Variants in UNC13C observed in about 807,000 individuals in gnomAD.
The protein encoded by UNC13C is unc-13 homolog C.
UNC13C carries 174 observed loss-of-function variants against 245.4 expected under a neutral mutation model. The observed-to-expected ratio is 0.71, with a 90% CI of 0.63 to 0.80. The LOEUF (loss-of-function observed/expected upper bound fraction) is 0.80, where lower values mean the gene tolerates loss of function less well. Among genes scored for constraint, UNC13C ranks in the 30% least tolerant of loss-of-function variants. UNC13C has a pLI of 0.00. For missense variants in UNC13C, 2,829 were observed against 2,602.9 expected, an observed-to-expected ratio of 1.09 and a Z score of -1.89; for synonymous variants, 992 against 895.1, an observed-to-expected ratio of 1.11 and a Z score of -1.93.
At chr15:53,885,041 A>G in the UNC13C span, among the ~76,000 whole-genome samples, 6 of 152,266 alleles carry the variant, frequency 3.9e-5, no homozygotes, top group African/African-American at 1.4e-4. Context: ...ATAGAACTTT[A>G]TCACACAAAG....
intron 30 of UNC13C, among the ~76,000 whole-genome samples, chr15:54,584,124 T>C (rs2681956): frequency 0.49 from 75,075 of 151,938 alleles, 18,869 homozygotes; most frequent in East Asian, 0.7. Flanking sequence ...ACCTTTCCCC[T>C]TGGCCAGGGC....
At chr15:53,940,608 C>A in the UNC13C span, among the ~76,000 whole-genome samples, 135 of 152,300 alleles carry the variant, frequency 8.9e-4, no homozygotes, top group African/African-American at 2.8e-3. Context: ...TGATCGGCAA[C>A]TTCAGCAAAG....
chr15:54,214,352 C>T (rs2034975654), intron 4 of UNC13C, among the ~76,000 whole-genome samples: 1 of 151,832 alleles, frequency 6.6e-6, no homozygotes, highest in African/African-American at 2.4e-5. Context: ...TCTATCAAAG[C>T]TAAACTACTC....
rs972037596 is a variant in UNC13C, at chr15:54,316,209, A to T, written c.4269-5730A>T. 5.9e-5 allele frequency among the ~76,000 whole-genome samples: 9 copies of T among 151,674 alleles called. 1 individual carries two copies. The highest frequency in any genetic ancestry group is 1.2e-4 in the Non-Finnish European group (8 of 67,844). On this transcript the variant is annotated intron_variant, in intron 13 of 32. Coordinates refer to ENST00000260323, the MANE Select transcript of UNC13C (RefSeq NM_001080534.3). ...CAACTTACCTAACATGTTACATAAG[A>T]CTCTCTGTAAACCCCTCAGACTTAT... is the stretch of plus-strand genomic sequence containing the variant.
chr15:54,214,016 C>G (rs1256491035), intron 4 of UNC13C, among the ~76,000 whole-genome samples: 1 of 152,020 alleles, frequency 6.6e-6, no homozygotes, highest in Non-Finnish European at 1.5e-5. Context: ...AAAATTGACA[C>G]TACAAATTAT....
intron 18 of UNC13C, among the ~76,000 whole-genome samples, chr15:54,396,610 T>C (rs1183474455): frequency 1.3e-5 from 2 of 151,586 alleles, no homozygotes; most frequent in Admixed American, 6.6e-5. Flanking sequence ...TTTATTTCTA[T>C]TGAGTTACGT....
At chr15:54,140,974 G>A (rs1284654417) in intron 2 of UNC13C, among the ~76,000 whole-genome samples, 1 of 152,174 alleles carries the variant, frequency 6.6e-6, no homozygotes, top group African/African-American at 2.4e-5. Context: ...TGAAAGAACT[G>A]ATGTATTACC....
At chr15:54,116,501 T>C (rs1415085197) in intron 2 of UNC13C, among the ~76,000 whole-genome samples, 1 of 152,164 alleles carries the variant, frequency 6.6e-6, no homozygotes, top group Non-Finnish European at 1.5e-5. Flanking sequence ...CTTTCTTAGC[T>C]CTCATAGATG....
intron 1 of UNC13C, among the ~76,000 whole-genome samples, chr15:53,994,604 A>G (rs539411936): frequency 1.3e-5 from 2 of 152,210 alleles, no homozygotes; most frequent in African/African-American, 4.8e-5. Flanking sequence ...GTTTTCTCCC[A>G]GTGCAACATT....
intron 8 of UNC13C, among the ~76,000 whole-genome samples, chr15:54,261,667 C>T (rs537011765): frequency 2.0e-5 from 3 of 152,086 alleles, no homozygotes; most frequent in African/African-American, 7.2e-5. Flanking sequence ...CTCAGCCTCT[C>T]GAGGTAGCTG....
chr15:54,519,152 T>C (rs1265745431), intron 24 of UNC13C, among the ~76,000 whole-genome samples: 1 of 152,164 alleles, frequency 6.6e-6, no homozygotes, highest in Non-Finnish European at 1.5e-5. Context: ...AAATTCTTTT[T>C]TTTTCTAAAT....
intron 30 of UNC13C, among the ~76,000 whole-genome samples, chr15:54,569,594 T>TTG (rs562796527): frequency 0.011 from 1,664 of 149,832 alleles, 33 homozygotes; most frequent in African/African-American, 0.034. Flanking sequence ...GTATGTTTGT[T>TTG]TGTGTGTGTG....
chr15:54,080,411 G>A (rs771659986), intron 2 of UNC13C, among the ~76,000 whole-genome samples: 9 of 151,942 alleles, frequency 5.9e-5, no homozygotes, highest in Non-Finnish European at 1.2e-4. Flanking sequence ...GCTCTTCTTT[G>A]TACATCTGGT....
rs150053904 is a variant in UNC13C, at chr15:54,165,850, C to G, written c.3071+22166C>G. Among the ~76,000 whole-genome samples the G allele has an allele frequency of 6.4e-3, 968 of 151,936 alleles. 11 individuals carry two copies. The highest frequency in any genetic ancestry group is 0.022 in the African/African-American group (927 of 41,486). ...TCTGTTTTCCTTTTTTTCTCCCTCC[C>G]TCCCTCTCTTTTTCTCCCTTTCTTG... On this transcript the variant is annotated intron_variant, in intron 4 of 32. Coordinates refer to ENST00000260323, the MANE Select transcript of UNC13C (RefSeq NM_001080534.3).
chr15:54,372,523 A>G (rs1413458019), intron 17 of UNC13C, among the ~76,000 whole-genome samples: 1 of 152,204 alleles, frequency 6.6e-6, no homozygotes, highest in Non-Finnish European at 1.5e-5. Context: ...GCTTCTGTCA[A>G]TGATTCCTTT....
the UNC13C span, among the ~76,000 whole-genome samples, chr15:53,889,847 G>T: frequency 1.3e-5 from 2 of 152,166 alleles, no homozygotes; most frequent in Admixed American, 6.5e-5. Context: ...TTATATGATG[G>T]TGTATGTTTA....
At chr15:54,379,647 G>C (rs1185808723) in intron 17 of UNC13C, among the ~76,000 whole-genome samples, 2 of 152,018 alleles carry the variant, frequency 1.3e-5, no homozygotes, top group Non-Finnish European at 2.9e-5. Context: ...CTACAATAGA[G>C]GCTCTAAAAT....
At chr15:54,134,810 T>C (rs561268434) in intron 2 of UNC13C, among the ~76,000 whole-genome samples, 126 of 152,342 alleles carry the variant, frequency 8.3e-4, no homozygotes, top group African/African-American at 2.8e-3. Context: ...CATGCTAATC[T>C]CATTTTATTT....
the UNC13C span, among the ~76,000 whole-genome samples, chr15:53,933,315 G>A: frequency 2.0e-5 from 3 of 151,950 alleles, no homozygotes; most frequent in South Asian, 2.1e-4. Context: ...GATATATAAT[G>A]TACCTCTTCA....
Sources: allele counts gnomAD v4.1 joint callset (sites outside exome capture counted in the v4.1 genomes callset), GRCh38; gene constraint gnomAD v4.1.1; transcripts MANE v1.5; gene names NCBI Gene and HGNC (gene_info 2026-07-23, HGNC 2026-07-21).